HIBCH: variants seen among roughly 807,000 people sequenced by gnomAD.
HIBCH encodes the protein 3-hydroxyisobutyryl-CoA hydrolase.
HIBCH carries 50 observed loss-of-function variants against 58.2 expected under a neutral mutation model. That is an observed-to-expected ratio of 0.86 (90% CI 0.68 to 1.09). HIBCH has a LOEUF of 1.09. Among genes scored for constraint, HIBCH ranks in the 50% least tolerant of loss-of-function variants. The pLI, the probability that HIBCH is intolerant of heterozygous loss-of-function variation, is 0.00. For synonymous variants in HIBCH, 151 were observed against 146.9 expected (o/e 1.03, Z -0.20); for missense variants, 450 against 449.7 (o/e 1.00, Z -0.01).
At chr2:190,286,258 T>C (rs1426953271) in intron 6 of HIBCH, among the ~76,000 whole-genome samples, 1 of 152,188 alleles carries the variant, frequency 6.6e-6, no homozygotes, top group Non-Finnish European at 1.5e-5. Context: ...AGTTCCCCCA[T>C]TTATTACTAC....
At chr2:190,224,551 A>T (rs1187234091) in intron 11 of HIBCH, among the ~76,000 whole-genome samples, 3 of 152,202 alleles carry the variant, frequency 2.0e-5, no homozygotes, top group Non-Finnish European at 4.4e-5. Flanking sequence ...CCATTACATA[A>T]TGGTAAAGGG....
At chr2:190,298,193 G>A (rs976602395) in intron 2 of HIBCH, among the ~76,000 whole-genome samples, 4 of 152,214 alleles carry the variant, frequency 2.6e-5, no homozygotes, top group Admixed American at 2.6e-4. Flanking sequence ...CTTTGCTATT[G>A]TAAATAGTGC....
In HIBCH at chr2:190,296,914, A is replaced by G. The variant is rs1055544033; in HGVS notation, c.118T>C (p.Leu40=). ...KHTDAAEEVL[L]EKKGCTGVIT... ...ACTCCCGTGCAACCTTTTTTTTCCAATAGCACCTCTTCTGCTGCATCTGTG... is the reference window on the plus strand; with the variant it reads ...ACTCCCGTGCAACCTTTTTTTTCCAGTAGCACCTCTTCTGCTGCATCTGTG... The change falls in exon 3 of 14, where the codon TTG becomes CTG. Residue 40 remains leucine (L), a synonymous_variant. Coordinates refer to ENST00000359678, the MANE Select transcript of HIBCH (RefSeq NM_014362.4). The G allele has an allele frequency of 6.2e-7, 1 of 1,614,042 alleles. No individual in the cohort carries two copies. The highest frequency in any genetic ancestry group is 2.2e-5 in the East Asian group (1 of 44,876).
chr2:190,292,581 G>A (rs1043719640), intron 4 of HIBCH, among the ~76,000 whole-genome samples: 2 of 152,202 alleles, frequency 1.3e-5, no homozygotes, highest in African/African-American at 4.8e-5. Context: ...AAAGTGCTGA[G>A]ATTACAGGCG....
At chr2:190,202,733 A>G (rs902548266), downstream of HIBCH, 1 of 167,042 alleles carries the variant, frequency 6.0e-6, no homozygotes, top group African/African-American at 2.4e-5. Context: ...AGTAAGGGCA[A>G]ATGGGCTTCT....
Position 190,215,931 on chromosome 2 carries a change from C to G in HIBCH, c.892-2856G>C, listed in dbSNP as rs905591925. 2 of 152,336 alleles carry G rather than the reference C, an allele frequency of 1.3e-5. No individual in the cohort carries two copies. Among genetic ancestry groups the G allele is most frequent in the African/African-American group, 4.8e-5 (2 of 41,332 alleles). The allele number at this position is 152,336 out of a possible 1,614,324, so 9.4% of individuals were successfully genotyped here. A position where few individuals can be genotyped will look rare whatever the true frequency, so the allele number is the denominator to read the frequency against. ...TGTCAGACACGGGGGAGCCAGGGCA[C>G]AGTTAAGGCTCAGCTCATGCCCAGA... On this transcript the variant is annotated intron_variant, in intron 11 of 13. Coordinates refer to ENST00000359678, the MANE Select transcript of HIBCH (RefSeq NM_014362.4). The surrounding 1 kb of genome is among the most constrained non-coding windows in gnomAD (Gnocchi z 4.4).
Position 190,210,927 on chromosome 2 carries a change from C to T in HIBCH, c.1012-2014G>A, listed in dbSNP as rs1690500735. Reference sequence around the variant, plus strand: ...TTCATCCCCCTGTTACTCTATATCACATATCCTGCTTCCTTTTTCTTGTTA... The same window carrying T: ...TTCATCCCCCTGTTACTCTATATCATATATCCTGCTTCCTTTTTCTTGTTA... On this transcript the variant is annotated intron_variant, in intron 12 of 13. Coordinates refer to ENST00000359678, the MANE Select transcript of HIBCH (RefSeq NM_014362.4). This position sits in a 1 kb window ranked among gnomAD's most constrained non-coding sequence, Gnocchi z 5.5. Among the ~76,000 whole-genome samples the T allele has an allele frequency of 3.3e-5, 5 of 152,308 alleles. No homozygotes were observed. The highest frequency in any genetic ancestry group is 9.6e-5 in the African/African-American group (4 of 41,556).
intron 11 of HIBCH, among the ~76,000 whole-genome samples, chr2:190,225,691 A>C (rs1315507369): frequency 2.0e-5 from 3 of 152,238 alleles, no homozygotes. Flanking sequence ...TACCAGAGGT[A>C]CAAAGAGGAG....
chr2:190,259,997 AG>A (rs1411289185), intron 7 of HIBCH, among the ~76,000 whole-genome samples: 3 of 152,218 alleles, frequency 2.0e-5, no homozygotes, highest in African/African-American at 7.2e-5. Context: ...CCCTAAAATC[AG>A]GAACAAGGAA....
chr2:190,255,932 A>C (rs548206654), intron 7 of HIBCH, among the ~76,000 whole-genome samples: 3 of 152,160 alleles, frequency 2.0e-5, no homozygotes, highest in Non-Finnish European at 2.9e-5. Flanking sequence ...AAAGAGGTTT[A>C]ATTGACTCAT....
intron 6 of HIBCH, among the ~76,000 whole-genome samples, chr2:190,265,979 T>G (rs980333603): frequency 1.3e-5 from 2 of 152,182 alleles, no homozygotes; most frequent in African/African-American, 4.8e-5. Flanking sequence ...TACTGTTTAC[T>G]GATTTTAAAT....
intron 2 of HIBCH, among the ~76,000 whole-genome samples, chr2:190,307,191 A>G (rs1317423215): frequency 6.6e-6 from 1 of 152,206 alleles, no homozygotes; most frequent in Non-Finnish European, 1.5e-5. Context: ...TCTGGACATC[A>G]TAATAAGAAC....
chr2:190,297,495 T>A (rs925134515), intron 2 of HIBCH, among the ~76,000 whole-genome samples: 2 of 152,234 alleles, frequency 1.3e-5, no homozygotes, highest in Admixed American at 6.5e-5. Context: ...GAACAAAGGC[T>A]GGCTGAGGAA....
chr2:190,296,318 G>C (rs1688102276), intron 3 of HIBCH, among the ~76,000 whole-genome samples: 1 of 151,986 alleles, frequency 6.6e-6, no homozygotes, highest in African/African-American at 2.4e-5. Context: ...TACTCAGGAG[G>C]CTGAAGCAGG....
intron 2 of HIBCH, among the ~76,000 whole-genome samples, chr2:190,302,268 A>T (rs1376495085): frequency 6.6e-6 from 1 of 152,216 alleles, no homozygotes; most frequent in Admixed American, 6.5e-5. Context: ...CTGGCTACAT[A>T]AACATATTCA....
At chr2:190,282,815 T>C (rs1045652055) in intron 6 of HIBCH, among the ~76,000 whole-genome samples, 1 of 149,022 alleles carries the variant, frequency 6.7e-6, no homozygotes, top group African/African-American at 2.5e-5. Flanking sequence ...TCTCTATAAC[T>C]GTATATTCCT....
chr2:190,241,138 T>G (rs1267404116), intron 11 of HIBCH, among the ~76,000 whole-genome samples: 1 of 152,214 alleles, frequency 6.6e-6, no homozygotes, highest in Non-Finnish European at 1.5e-5. Flanking sequence ...AAAACTTGCT[T>G]TATGAATCTG....
intron 1 of HIBCH, among the ~76,000 whole-genome samples, chr2:190,314,155 A>C (rs936979117): frequency 1.3e-5 from 2 of 151,830 alleles, no homozygotes; most frequent in African/African-American, 4.8e-5. Flanking sequence ...TCCAAGTCCC[A>C]GTTTTATATA....
chr2:190,257,280 T>C (rs1473702241), intron 7 of HIBCH, among the ~76,000 whole-genome samples: 1 of 152,180 alleles, frequency 6.6e-6, no homozygotes, highest in South Asian at 2.1e-4. Context: ...ATCTTTAAAT[T>C]ACTGAAATTA....
Sources: allele counts gnomAD v4.1 joint callset (sites outside exome capture counted in the v4.1 genomes callset), GRCh38; gene constraint gnomAD v4.1.1; non-coding constraint Gnocchi (gnomAD v3.1); transcripts MANE v1.5; gene names NCBI Gene and HGNC (gene_info 2026-07-23, HGNC 2026-07-21).